Variants in FLG observed in about 807,000 individuals in gnomAD.
FLG encodes the protein epidermal filaggrin.
A neutral mutation model predicts 3.8 loss-of-function variants in FLG; 6 were observed. The ratio of observed to expected loss-of-function variants is 1.60; its 90% confidence interval spans 0.87 to 3.15. The LOEUF is 3.15. Among genes scored for constraint, FLG ranks in the 30% most tolerant of loss-of-function variants. The probability of loss-of-function intolerance (pLI) is 0.00; values close to 1 mark genes in which losing one functional copy is unlikely to be tolerated. For synonymous variants in FLG, 2,551 were observed against 1,931.6 expected (o/e 1.32, Z -8.41); for missense variants, 7,595 against 5,050.9 (o/e 1.50, Z -15.27).
rs752027134 is a variant in FLG, at chr1:152,307,769, CCTCA to C, written c.7113_7116del (p.Ser2371ArgfsTer47). On this transcript the variant is annotated frameshift_variant, in exon 3 of 3. Coordinates refer to ENST00000368799, the MANE Select transcript of FLG (RefSeq NM_002016.2). LOFTEE classifies it low-confidence loss of function (END_TRUNC). ...TGTGTGTCTGAGTCTTCTGAATGTC[CCTCA>C]CTGTCACTGGCCTGACTACCACTGG... 2 of 1,613,394 alleles carry C rather than the reference CCTCA, an allele frequency of 1.2e-6. No homozygotes were observed. The highest frequency in any genetic ancestry group is 1.7e-5 in the Admixed American group (1 of 59,980).
chr1:152,322,649 A>C (rs1280725911), intron 1 of FLG, among the ~76,000 whole-genome samples: 3 of 151,216 alleles, frequency 2.0e-5, no homozygotes, highest in Non-Finnish European at 4.5e-5. Flanking sequence ...AAAAGCATAA[A>C]AAAAGAGGAA....
At position 152,304,548 on chromosome 1, in the gene FLG, C is replaced by T. The variant is rs1301948709; in HGVS notation, c.10338G>A (p.Gln3446=). 3.7e-6 allele frequency: 6 copies of T among 1,609,690 alleles called. No individual in the cohort carries two copies. Among genetic ancestry groups the T allele is most frequent in the Middle Eastern group, 1.7e-4 (1 of 6,042 alleles). The change falls in exon 3 of 3, where the codon CAG becomes CAA. Residue 3446 remains glutamine, a synonymous_variant. Transcript: ENST00000368799. ...CTACCGATTGCTCGTAGTGGGATCC[C>T]TGCCTTCCTCTTCTGCTTGACCCCG... The part of the protein sequence containing the change: ...GHPGSSRRGR[Q]GSHYEQSVDR...
rs757398420 is a variant in FLG at position 152,309,422 on chromosome 1, C to T, written c.5464G>A (p.Gly1822Arg). The T allele has an allele frequency of 3.1e-6, 5 of 1,613,592 alleles. No individual in the cohort carries two copies. In the South Asian group the frequency reaches 3.3e-5, roughly 11 times the overall value. ...TIRGHPGSSR[G>R]GRQGSHYEQS... is the part of the protein sequence containing the mutation. ...TCATAGTGGGATCCCTGCCTTCCTC[C>T]TCTGCTTGACCCTGGGTGTCCACGA... The change falls in exon 3 of 3, where the codon GGA becomes AGA. Residue 1822 changes from glycine to arginine, a missense_variant. Physicochemically the swap from Gly to Arg is moderately radical, Grantham distance 125. Coordinates refer to ENST00000368799, the MANE Select transcript of FLG (RefSeq NM_002016.2).
Position 152,311,322 on chromosome 1 carries a change from A to C in FLG, c.3564T>G (p.Ser1188=). The C allele has an allele frequency of 6.2e-7, 1 of 1,613,804 alleles. No homozygotes were observed. Among genetic ancestry groups the C allele is most frequent in the Non-Finnish European group, 8.5e-7 (1 of 1,179,954 alleles). The change falls in exon 3 of 3, where the codon TCT becomes TCG. Residue 1188 remains serine, a synonymous_variant. Transcript: ENST00000368799. The part of the protein sequence containing the change: ...GSHHEQSVDR[S]GHSGSHHSHT... ...GGCTGTGATGGGACCCTGAGTGTCCAGATCTATCTACCGATTGCTCATGGT... is the reference window on the plus strand; with the variant it reads ...GGCTGTGATGGGACCCTGAGTGTCCCGATCTATCTACCGATTGCTCATGGT...
chr1:152,313,848 A>G lies in FLG; in HGVS notation c.1038T>C (p.His346=), dbSNP rs938793064. The G allele has an allele frequency of 6.2e-7, 1 of 1,614,088 alleles. No individual in the cohort carries two copies. Among genetic ancestry groups the G allele is most frequent in the South Asian group, 1.1e-5 (1 of 91,090 alleles). The change falls in exon 3 of 3, where the codon CAT becomes CAC. Residue 346 remains histidine (H), a synonymous_variant. Transcript: ENST00000368799. ...PRSHDEDRAS[H]GHSADSSRQS... Reference sequence around the variant, plus strand: ...GTCTGGAGCTGTCTGCAGAGTGCCCATGACTGGCTCTGTCTTCATCATGGG... The same window carrying G: ...GTCTGGAGCTGTCTGCAGAGTGCCCGTGACTGGCTCTGTCTTCATCATGGG...
At position 152,312,909 on chromosome 1, in the gene FLG, G is replaced by C; in HGVS notation, c.1977C>G (p.His659Gln). Residue 659 changes from histidine to glutamine, a missense_variant, in exon 3 of 3, where the codon CAC (histidine) becomes CAG (glutamine). Physicochemically the swap from His to Gln is conservative, Grantham distance 24 (BLOSUM62 0). Coordinates refer to ENST00000368799, the MANE Select transcript of FLG (RefSeq NM_002016.2). ...AQEQSRDGSRHPRSHHEDRAG... is the reference protein window; with the variant it reads ...AQEQSRDGSRQPRSHHEDRAG... Reference sequence around the variant, plus strand: ...CTCTGTCTTCGTGATGGGACCTGGGGTGTCTGGAGCCATCTCTTGACTGCT... The same window carrying C: ...CTCTGTCTTCGTGATGGGACCTGGGCTGTCTGGAGCCATCTCTTGACTGCT... The C allele has an allele frequency of 1.2e-6, 2 of 1,614,034 alleles. No homozygotes were observed. The highest frequency in any genetic ancestry group is 2.2e-5 in the East Asian group (1 of 44,860).
rs749832540 is a variant in FLG at position 152,308,294 on chromosome 1, G to T, written c.6592C>A (p.Gln2198Lys). 8 of 1,613,540 alleles carry T rather than the reference G, an allele frequency of 5.0e-6. No homozygotes were observed. The South Asian group carries it at 7.7e-5, about 16-fold the overall frequency. ...GAGTGCCTAGAGCCATCTCCTGATTGTTCCTTGTCATATGTTTTTCTGCTT... is the reference window on the plus strand; with the variant it reads ...GAGTGCCTAGAGCCATCTCCTGATTTTTCCTTGTCATATGTTTTTCTGCTT... ...SASRKTYDKE[Q>K]SGDGSRHSGS... The change falls in exon 3 of 3, where the codon CAA becomes AAA. Residue 2198 changes from glutamine to lysine, a missense_variant. Coordinates refer to ENST00000368799, the MANE Select transcript of FLG (RefSeq NM_002016.2).
At position 152,324,592 on chromosome 1, in the gene FLG, A is replaced by G. The variant is rs11807341; in HGVS notation, c.-22+597T>C. 4.2e-3 allele frequency among the ~76,000 whole-genome samples: 633 copies of G among 151,976 alleles called. 2 individuals are homozygous for G. The highest frequency in any genetic ancestry group is 0.015 in the African/African-American group (613 of 41,488). On this transcript the variant is annotated intron_variant, in intron 1 of 2. Transcript: ENST00000368799. ...CATCACTTTACTACAAGCTTGTCCA[A>G]TCTGTGGCCCAGGACAGCTTTGAAT... is the stretch of plus-strand genomic sequence containing the variant.
At position 152,311,262 on chromosome 1, in the gene FLG, A is replaced by G. The variant is rs1652401055; in HGVS notation, c.3624T>C (p.His1208=). ...TTSQGRSDAS[H]GQSGSRSASR... Reference sequence around the variant, plus strand: ...TTGCACTTCTGGATCCTGACTGCCCATGGGAGGCATCAGACCTTCCCTGGG... The same window carrying G: ...TTGCACTTCTGGATCCTGACTGCCCGTGGGAGGCATCAGACCTTCCCTGGG... The change falls in exon 3 of 3, where the codon CAT becomes CAC. Residue 1208 remains histidine (H), a synonymous_variant. Transcript: ENST00000368799. The G allele has an allele frequency of 1.2e-6, 2 of 1,613,590 alleles. No homozygotes were observed. The highest frequency in any genetic ancestry group is 1.7e-6 in the Non-Finnish European group (2 of 1,179,940).
In FLG at chr1:152,310,284, C is replaced by G. The variant is rs549641255; in HGVS notation, c.4602G>C (p.Gln1534His). 2.1e-5 allele frequency: 34 copies of G among 1,613,778 alleles called. No homozygotes were observed. The East Asian group carries it at 6.9e-4, about 33-fold the overall frequency. ...GCCTGCTTGCACTTCTGGGTCCTGACTGCCCATGGGAGGCATCAGACCTTC... is the reference window on the plus strand; with the variant it reads ...GCCTGCTTGCACTTCTGGGTCCTGAGTGCCCATGGGAGGCATCAGACCTTC... ...PQGRSDASHG[Q>H]SGPRSASRQT... The change falls in exon 3 of 3, where the codon CAG becomes CAC. Residue 1534 changes from glutamine (Q) to histidine (H), a missense_variant. By Grantham distance (24) the Gln-to-His change is conservative. Coordinates refer to ENST00000368799, the MANE Select transcript of FLG (RefSeq NM_002016.2).
rs2101644400 is a variant in FLG at position 152,309,042 on chromosome 1, C to G, written c.5844G>C (p.Glu1948Asp). The change falls in exon 3 of 3, where the codon GAG becomes GAC. Residue 1948 changes from glutamate (E) to aspartate (D), a missense_variant. Glu to Asp is a conservative substitution (Grantham distance 45). Coordinates refer to ENST00000368799, the MANE Select transcript of FLG (RefSeq NM_002016.2). The part of the protein sequence containing the change: ...ASRNHLGSAW[E>D]QSRDGSRHPG... The stretch of plus-strand genomic sequence containing the variant: ...GGTGTCTGGAGCCATCTCTTGACTG[C>G]TCCCAAGCAGATCCAAGATGGTTTC... 6.2e-7 allele frequency: 1 copy of G among 1,614,190 alleles called. No homozygotes were observed. Among genetic ancestry groups the G allele is most frequent in the Non-Finnish European group, 8.5e-7 (1 of 1,180,028 alleles).
Position 152,308,050 on chromosome 1 carries a change from G to A in FLG, c.6836C>T (p.Ser2279Phe), listed in dbSNP as rs140787480. The A allele has an allele frequency of 3.9e-4, 633 of 1,613,954 alleles. No homozygotes were observed. Among genetic ancestry groups the A allele is most frequent in the Non-Finnish European group, 1.1e-4 (127 of 1,180,022 alleles). ...GSAQEQSRDG[S>F]RHPRSHHEDR... ...TTCGTGATGGGACCTGGGGTGTCTG[G>A]AGCCATCTCTTGACTGCTCCTGAGC... The change falls in exon 3 of 3, where the codon TCC becomes TTC. Residue 2279 changes from serine (S) to phenylalanine (F), a missense_variant. By Grantham distance (155) the Ser-to-Phe change is radical. Transcript: ENST00000368799.
intron 2 of FLG, 117 bp from the exon 3 acceptor site, chr1:152,314,864 T>A: frequency 9.1e-6 from 12 of 1,325,652 alleles, no homozygotes; most frequent in Non-Finnish European, 1.3e-5. Flanking sequence ...TGGGACAAAA[T>A]CTTTTTTTTT....
Position 152,310,309 on chromosome 1 carries a change from C to T in FLG, c.4577G>A (p.Gly1526Glu), listed in dbSNP as rs776816341. ...GYHHSHTTPQGRSDASHGQSG... is the reference protein window; with the variant it reads ...GYHHSHTTPQERSDASHGQSG... ...CTGCCCATGGGAGGCATCAGACCTT[C>T]CCTGGGGTGTGGTGTGGCTGTGATG... is the stretch of plus-strand genomic sequence containing the variant. The change falls in exon 3 of 3, where the codon GGA (glycine) becomes GAA (glutamate). Residue 1526 changes from glycine (G) to glutamate (E), a missense_variant. Coordinates refer to ENST00000368799, the MANE Select transcript of FLG (RefSeq NM_002016.2). 6.1e-5 allele frequency: 99 copies of T among 1,613,796 alleles called. 1 individual carries two copies. The highest frequency in any genetic ancestry group is 8.1e-5 in the Non-Finnish European group (96 of 1,179,978).
chr1:152,308,445 T>A lies in FLG; in HGVS notation c.6441A>T (p.Gly2147=). The stretch of plus-strand genomic sequence containing the variant: ...GCTCTTGGTGGGACCCCTGTCTTCC[T>A]CCTCTGCTTGGCCCCGGGTGTCCAC... ...TIRGHPGPSR[G]GRQGSHQEQS... is the part of the protein sequence containing the mutation. Residue 2147 remains glycine (G), a synonymous_variant, in exon 3 of 3, where the codon GGA becomes GGT. Transcript: ENST00000368799. The A allele has an allele frequency of 1.2e-6, 2 of 1,613,756 alleles. No individual in the cohort carries two copies. The highest frequency in any genetic ancestry group is 1.3e-5 in the African/African-American group (1 of 74,978).
Position 152,303,866 on chromosome 1 carries a change from A to T in FLG, c.11020T>A (p.Ser3674Thr). 1 of 1,613,590 alleles carries T rather than the reference A, an allele frequency of 6.2e-7. No homozygotes were observed. The highest frequency in any genetic ancestry group is 8.5e-7 in the Non-Finnish European group (1 of 1,179,860). ...ASDSEGHSED[S>T]DTQSVSAHGQ... Reference sequence around the variant, plus strand: ...TGGGCTGACACTGACTGTGTGTCTGAGTCTTCTGAATGTCCCTCACTGTCA... The same window carrying T: ...TGGGCTGACACTGACTGTGTGTCTGTGTCTTCTGAATGTCCCTCACTGTCA... Residue 3674 changes from serine to threonine, a missense_variant, in exon 3 of 3, where the codon TCA (serine) becomes ACA (threonine). Coordinates refer to ENST00000368799, the MANE Select transcript of FLG (RefSeq NM_002016.2).
rs201705800 is a variant in FLG, at chr1:152,313,059, C to T, written c.1827G>A (p.Ser609=). ...CCTGGTTCCTACTTGTCCTGGGCCCCGATGATTGTCCCTGGCCCACCTGTG... is the reference window on the plus strand; with the variant it reads ...CCTGGTTCCTACTTGTCCTGGGCCCTGATGATTGTCCCTGGCCCACCTGTG... ...RHSQVGQGQS[S]GPRTSRNQGS... is the part of the protein sequence containing the mutation. The change falls in exon 3 of 3, where the codon TCG becomes TCA. Residue 609 remains serine, a synonymous_variant. Coordinates refer to ENST00000368799, the MANE Select transcript of FLG (RefSeq NM_002016.2). 4.6e-5 allele frequency: 74 copies of T among 1,613,858 alleles called. No individual in the cohort carries two copies. The highest frequency in any genetic ancestry group is 1.2e-4 in the Admixed American group (7 of 60,006).
At chr1:152,316,257 T>C (rs1167816073) in intron 1 of FLG, among the ~76,000 whole-genome samples, 1 of 152,136 alleles carries the variant, frequency 6.6e-6, no homozygotes, top group East Asian at 1.9e-4. Context: ...TTTTGGACCT[T>C]GGTTTGTTTG....
rs554961236 is a variant in FLG at position 152,309,180 on chromosome 1, C to G, written c.5706G>C (p.Gln1902His). The change falls in exon 3 of 3, where the codon CAG becomes CAC. Residue 1902 changes from glutamine (Q) to histidine (H), a missense_variant. Coordinates refer to ENST00000368799, the MANE Select transcript of FLG (RefSeq NM_002016.2). Reference protein sequence around the residue: ...ADSSRHSQVGQGQSSGPRTSR... With the variant: ...ADSSRHSQVGHGQSSGPRTSR... ...TTGTCCTGGGCCCTGATGATTGTCC[C>G]TGGCCCACCTGCGAGTGTCTAGAGC... is the stretch of plus-strand genomic sequence containing the variant. 6.2e-7 allele frequency: 1 copy of G among 1,613,748 alleles called. No individual in the cohort carries two copies. Among genetic ancestry groups the G allele is most frequent in the East Asian group, 2.2e-5 (1 of 44,798 alleles).
Sources: gnomAD v4.1 joint callset for allele counts (sites outside exome capture counted in the v4.1 genomes callset) on GRCh38, gnomAD v4.1.1 for gene constraint, MANE v1.5 for transcripts, NCBI Gene and HGNC (gene_info 2026-07-23, HGNC 2026-07-21) for gene names.